TMPRSS15: variants seen among roughly 807,000 people sequenced by gnomAD.
TMPRSS15 encodes transmembrane serine protease 15, also known as enteropeptidase.
Under a neutral mutation model 125.3 loss-of-function variants are expected in TMPRSS15, and 128 were observed. The ratio of observed to expected loss-of-function variants is 1.02; its 90% confidence interval spans 0.89 to 1.18. The LOEUF (loss-of-function observed/expected upper bound fraction) is 1.18. Among genes scored for constraint, TMPRSS15 ranks in the 50% most tolerant of loss-of-function variants. The pLI is 0.00. For missense variants in TMPRSS15, 1,283 were observed against 1,212.7 expected (o/e 1.06, Z -0.86); for synonymous variants, 446 against 423.2 (o/e 1.05, Z -0.66).
chr21:18,465,484 G>C (rs1389187055), intron 1 of TMPRSS15, among the ~76,000 whole-genome samples: 6 of 152,166 alleles, frequency 3.9e-5, no homozygotes, highest in Non-Finnish European at 7.3e-5. Flanking sequence ...TCTGTTTGCA[G>C]ATGAAATCAT....
At chr21:18,450,237 G>A (rs9977196) in intron 1 of TMPRSS15, among the ~76,000 whole-genome samples, 14,002 of 151,696 alleles carry the variant, frequency 0.092, 1,822 homozygotes, top group African/African-American at 0.3. Context: ...TCCAGATGAA[G>A]TAGCATGCAA....
At chr21:18,314,619 G>A (rs564011774) in intron 17 of TMPRSS15, among the ~76,000 whole-genome samples, 2 of 152,068 alleles carry the variant, frequency 1.3e-5, no homozygotes, top group African/African-American at 4.8e-5. Flanking sequence ...TTTTAACTTA[G>A]TTACAGTGCA....
chr21:18,274,455 C>T (rs190947449), intron 24 of TMPRSS15, among the ~76,000 whole-genome samples: 70 of 152,286 alleles, frequency 4.6e-4, no homozygotes, highest in African/African-American at 1.6e-3. Flanking sequence ...AGGAACATTA[C>T]TCTTAGGTGG....
rs2075353708 is a variant in TMPRSS15, at chr21:18,332,326, A to G, written c.1565-153T>C. On this transcript the variant is annotated intron_variant, in intron 13 of 24. Transcript: ENST00000284885. ...ATGTTAGGGTAAATGCTGCAGTTTA[A>G]GTAAAGGAAAAATACAGTTAAGTAG... Among the ~76,000 whole-genome samples the G allele has an allele frequency of 3.3e-5, 5 of 152,226 alleles. No homozygotes were observed. In the South Asian group the frequency reaches 1.0e-3, roughly 32 times the overall value.
rs562433262 is a variant in TMPRSS15, at chr21:18,294,255, T to C, written c.2486+15A>G. On this transcript the variant is annotated intron_variant, in intron 21 of 24. Transcript: ENST00000284885. The stretch of plus-strand genomic sequence containing the variant: ...GTGACCTAGTTTGGGAAGGGACACT[T>C]GACATCACACTCACCCATACACGCA... The C allele has an allele frequency of 1.2e-6, 2 of 1,613,934 alleles. No homozygotes were observed. Among genetic ancestry groups the C allele is most frequent in the East Asian group, 2.2e-5 (1 of 44,882 alleles).
intron 21 of TMPRSS15, among the ~76,000 whole-genome samples, chr21:18,292,891 T>C (rs1417782468): frequency 1.3e-5 from 2 of 152,156 alleles, no homozygotes; most frequent in South Asian, 2.1e-4. Context: ...ATATGATTAT[T>C]AGGAGGCAGC....
intron 16 of TMPRSS15, among the ~76,000 whole-genome samples, chr21:18,320,551 A>G (rs1362247330): frequency 2.0e-5 from 3 of 152,192 alleles, no homozygotes; most frequent in African/African-American, 7.2e-5. Context: ...GATAACATAA[A>G]AATGTTTTAA....
At chr21:18,338,199 C>T (rs1435532194) in intron 13 of TMPRSS15, among the ~76,000 whole-genome samples, 2 of 151,946 alleles carry the variant, frequency 1.3e-5, no homozygotes, top group East Asian at 3.9e-4. Flanking sequence ...AAAAAAGTTA[C>T]CTCAAATTTT....
intron 16 of TMPRSS15, among the ~76,000 whole-genome samples, chr21:18,316,068 C>A (rs2075163887): frequency 6.6e-6 from 1 of 151,732 alleles, no homozygotes; most frequent in African/African-American, 2.4e-5. Flanking sequence ...TCCTTTGCCA[C>A]AGCTCAAGGT....
rs954911028 is a variant in TMPRSS15 at position 18,282,097 on chromosome 21, CAAAAAAAAAA to C, written c.2487-886_2487-877del. 1.2e-3 allele frequency among the ~76,000 whole-genome samples: 29 copies of C among 24,962 alleles called. No individual in the cohort carries two copies. The East Asian group carries it at 0.021, about 18-fold the overall frequency. The allele number at this position is 24,962 out of a possible 152,430, so 16.4% of individuals were successfully genotyped here. A position where few individuals can be genotyped will look rare whatever the true frequency, so the allele number is the denominator to read the frequency against. ...TGGGAGACAAAGCAAGACTCCGCCT[CAAAAAAAAAA>C]AAAAAAAAAAAAAAAAAAGTAAACA... is the stretch of plus-strand genomic sequence containing the variant. On this transcript the variant is annotated intron_variant, in intron 21 of 24. Coordinates refer to ENST00000284885, the MANE Select transcript of TMPRSS15 (RefSeq NM_002772.3).
intron 3 of TMPRSS15, among the ~76,000 whole-genome samples, chr21:18,386,789 GT>G (rs1204639986): frequency 6.6e-6 from 1 of 151,984 alleles, no homozygotes; most frequent in Admixed American, 6.6e-5. Context: ...GATTAAATCT[GT>G]TTTATTTCTA....
chr21:18,290,775 G>A (rs186046294), intron 21 of TMPRSS15, among the ~76,000 whole-genome samples: 225 of 152,096 alleles, frequency 1.5e-3, no homozygotes, highest in Non-Finnish European at 2.5e-3. Context: ...CCTGTTTTTA[G>A]TAAAAATACT....
intron 9 of TMPRSS15, 116 bp from the exon 10 acceptor site, chr21:18,353,168 C>T: frequency 2.2e-6 from 2 of 908,604 alleles, no homozygotes; most frequent in Non-Finnish European, 3.3e-6. Context: ...GTGGTATGTA[C>T]AAAATCATTA....
chr21:18,344,897 T>C (rs1023387), intron 10 of TMPRSS15, among the ~76,000 whole-genome samples: 110,108 of 152,146 alleles, frequency 0.72, 40,308 homozygotes, highest in East Asian at 0.89. Flanking sequence ...TGCAATTTTT[T>C]ATGAGATGAT....
In TMPRSS15 at chr21:18,447,813, C is replaced by CT. The variant is rs372026969; in HGVS notation, c.10+37985dup. Among the ~76,000 whole-genome samples the CT allele has an allele frequency of 7.8e-3, 1,186 of 152,200 alleles. 16 individuals are homozygous for CT. The highest frequency in any genetic ancestry group is 0.026 in the African/African-American group (1,100 of 41,518). On this transcript the variant is annotated intron_variant, in intron 1 of 7. Transcript: ENST00000422787. Reference sequence around the variant, plus strand: ...GTTAAAGTGTGAGTTCGTTAAGCCTCTTTTTTTCATAAATTAGCTAATGTA... The same window carrying CT: ...GTTAAAGTGTGAGTTCGTTAAGCCTCTTTTTTTTCATAAATTAGCTAATGTA...
chr21:18,464,676 C>T (rs1364922780), intron 1 of TMPRSS15, among the ~76,000 whole-genome samples: 4 of 152,092 alleles, frequency 2.6e-5, no homozygotes, highest in South Asian at 2.1e-4. Context: ...TGGATAAATT[C>T]CTGGACACAT....
At chr21:18,298,481 T>C (rs1288987479) in intron 18 of TMPRSS15, among the ~76,000 whole-genome samples, 1 of 152,216 alleles carries the variant, frequency 6.6e-6, no homozygotes, top group African/African-American at 2.4e-5. Context: ...CACCTCTGTG[T>C]GATCAAAGAC....
At chr21:18,439,083 G>T (rs1028529219) in intron 1 of TMPRSS15, among the ~76,000 whole-genome samples, 13 of 152,142 alleles carry the variant, frequency 8.5e-5, no homozygotes, top group Non-Finnish European at 1.6e-4. Flanking sequence ...GTCAGTTCCT[G>T]ATAATGTCTC....
At position 18,476,678 on chromosome 21, in the gene TMPRSS15, G is replaced by A. The variant is rs1383538524; in HGVS notation, c.10+9121C>T. Among the ~76,000 whole-genome samples the A allele has an allele frequency of 4.6e-5, 7 of 152,086 alleles. No individual in the cohort carries two copies. The East Asian group carries it at 5.8e-4, about 13-fold the overall frequency. ...CATATACCCATGTCATCACAGCCCC[G>A]TGCTGTGGGTTTACAGGACCTAAAG... On this transcript the variant is annotated intron_variant, in intron 1 of 7. Transcript: ENST00000422787.
Sources: allele counts gnomAD v4.1 joint callset (sites outside exome capture counted in the v4.1 genomes callset), GRCh38; gene constraint gnomAD v4.1.1; transcripts MANE v1.5; gene names NCBI Gene and HGNC (gene_info 2026-07-23, HGNC 2026-07-21).